Variants in HDAC9 observed in about 807,000 individuals in gnomAD.
HDAC9 encodes histone deacetylase 9.
Under a neutral mutation model 139.4 loss-of-function variants are expected in HDAC9, and 41 were observed. The observed-to-expected ratio is 0.29, with a 90% CI of 0.23 to 0.38. The LOEUF is 0.38. Ranked by LOEUF, HDAC9 falls within the 10% of genes least tolerant of loss-of-function variation. The probability of loss-of-function intolerance (pLI) is 1.00; values close to 1 mark genes in which losing one functional copy is unlikely to be tolerated. For synonymous variants in HDAC9, 517 were observed against 476.2 expected (o/e 1.09, Z -1.12); for missense variants, 1,147 against 1,297.0 (o/e 0.88, Z 1.78).
intron 12 of HDAC9, among the ~76,000 whole-genome samples, chr7:18,720,945 G>C (rs930974266): frequency 6.6e-6 from 1 of 152,138 alleles, no homozygotes; most frequent in African/African-American, 2.4e-5. Flanking sequence ...CTCCCAAAGT[G>C]CTGCGATTAT....
intron 14 of HDAC9, among the ~76,000 whole-genome samples, chr7:18,754,918 T>C (rs1178172): frequency 0.32 from 48,143 of 152,026 alleles, 9,058 homozygotes; most frequent in East Asian, 0.66. Flanking sequence ...GGTTTTCTGA[T>C]ATCAAGACTG....
At chr7:18,776,259 G>A (rs983041880) in intron 16 of HDAC9, among the ~76,000 whole-genome samples, 1 of 151,920 alleles carries the variant, frequency 6.6e-6, no homozygotes, top group Non-Finnish European at 1.5e-5. Context: ...CATTCCAAGA[G>A]CTAGGAAGCG....
chr7:18,451,735 G>A (rs1000957504), intron 1 of HDAC9, among the ~76,000 whole-genome samples: 1 of 151,910 alleles, frequency 6.6e-6, no homozygotes, highest in African/African-American at 2.4e-5. Flanking sequence ...TTGCTATTCA[G>A]CCCTATCGGC....
At chr7:18,612,528 G>C (rs545825087) in intron 6 of HDAC9, among the ~76,000 whole-genome samples, 2 of 151,966 alleles carry the variant, frequency 1.3e-5, no homozygotes, top group Non-Finnish European at 2.9e-5. Context: ...AGAGAACTGA[G>C]GAGTCTCACT....
intron 1 of HDAC9, among the ~76,000 whole-genome samples, chr7:18,309,966 A>C (rs753733130): frequency 6.6e-6 from 1 of 152,196 alleles, no homozygotes; most frequent in Admixed American, 6.5e-5. Context: ...TGGTCCTCAA[A>C]GTGTGATTCC....
chr7:18,810,003 A>G (rs1794049610), intron 17 of HDAC9, among the ~76,000 whole-genome samples: 1 of 152,032 alleles, frequency 6.6e-6, no homozygotes, highest in South Asian at 2.1e-4. Context: ...CAAATAAAAT[A>G]TAGCATATAC....
chr7:18,962,900 A>T (rs898272015), intron 24 of HDAC9, among the ~76,000 whole-genome samples: 1 of 152,118 alleles, frequency 6.6e-6, no homozygotes, highest in African/African-American at 2.4e-5. Context: ...AGTTCCTTCT[A>T]CTGGTAAGAA....
intron 2 of HDAC9, among the ~76,000 whole-genome samples, chr7:18,278,935 G>T (rs1211294903): frequency 6.6e-6 from 1 of 152,196 alleles, no homozygotes; most frequent in Non-Finnish European, 1.5e-5. Context: ...TAGGTACTCT[G>T]TTCTGAAAGT....
intron 1 of HDAC9, among the ~76,000 whole-genome samples, chr7:18,388,706 A>G (rs1341875775): frequency 6.6e-6 from 1 of 152,140 alleles, no homozygotes; most frequent in Admixed American, 6.5e-5. Flanking sequence ...CCTTGAGTCC[A>G]TCTGAAACAA....
intron 21 of HDAC9, among the ~76,000 whole-genome samples, chr7:18,850,353 A>G (rs563461001): frequency 3.6e-4 from 55 of 152,254 alleles, no homozygotes; most frequent in Non-Finnish European, 6.3e-4. Context: ...TGAGGCACAG[A>G]CCCTTGTACT....
chr7:18,955,714 A>G (rs1007065261), intron 24 of HDAC9, among the ~76,000 whole-genome samples: 6 of 152,140 alleles, frequency 3.9e-5, no homozygotes, highest in African/African-American at 1.4e-4. Flanking sequence ...CACAGAGTAC[A>G]CTGAGGTCAT....
chr7:18,638,759 ACTTCTGTTCCATTT>A (rs1196681542), intron 8 of HDAC9, among the ~76,000 whole-genome samples: 2 of 152,128 alleles, frequency 1.3e-5, no homozygotes, highest in East Asian at 3.9e-4. Flanking sequence ...TGCTCTGACC[ACTTCTGTTCCATTT>A]CTTCTATTTC....
At chr7:18,747,132 G>A (rs1468170882) in intron 13 of HDAC9, among the ~76,000 whole-genome samples, 4 of 152,142 alleles carry the variant, frequency 2.6e-5, no homozygotes, top group Admixed American at 6.5e-5. Context: ...TTTTGTAGGC[G>A]AAATAGAGAA....
intron 25 of HDAC9, among the ~76,000 whole-genome samples, chr7:18,987,598 G>A (rs1374522390): frequency 2.0e-5 from 3 of 152,148 alleles, no homozygotes; most frequent in Non-Finnish European, 4.4e-5. Flanking sequence ...AGTTAGGGAG[G>A]ATTCCCTCTT....
intron 14 of HDAC9, among the ~76,000 whole-genome samples, chr7:18,750,017 T>G (rs1788306106): frequency 6.6e-6 from 1 of 152,180 alleles, no homozygotes; most frequent in African/African-American, 2.4e-5. Flanking sequence ...GGTCCCAAAA[T>G]GTAGTCAACA....
At chr7:18,181,329 G>C (rs544783581) in intron 2 of HDAC9, among the ~76,000 whole-genome samples, 4 of 152,236 alleles carry the variant, frequency 2.6e-5, no homozygotes, top group African/African-American at 9.6e-5. Flanking sequence ...ATAACCCACT[G>C]ATCATGCCTT....
At chr7:18,498,553 C>G (rs1335986995) in intron 2 of HDAC9, among the ~76,000 whole-genome samples, 3 of 152,086 alleles carry the variant, frequency 2.0e-5, no homozygotes, top group Non-Finnish European at 4.4e-5. Context: ...AAATCTTGTT[C>G]AGCTCCCTTT....
chr7:18,829,770 G>A (rs1212672363), intron 19 of HDAC9, among the ~76,000 whole-genome samples: 1 of 152,196 alleles, frequency 6.6e-6, no homozygotes, highest in Non-Finnish European at 1.5e-5. Flanking sequence ...TGAGAAGAAG[G>A]CGCAGATCAG....
chr7:18,987,747 C>A (rs1283033900), intron 25 of HDAC9, among the ~76,000 whole-genome samples: 1 of 152,002 alleles, frequency 6.6e-6, no homozygotes, highest in Non-Finnish European at 1.5e-5. Context: ...ATTTCAGCTC[C>A]TGTTATTGGT....
Sources: gnomAD v4.1 joint callset for allele counts (sites outside exome capture counted in the v4.1 genomes callset) on GRCh38, gnomAD v4.1.1 for gene constraint, MANE v1.5 for transcripts, NCBI Gene and HGNC (gene_info 2026-07-23, HGNC 2026-07-21) for gene names.